Variants in CSMD1 observed in about 807,000 individuals in gnomAD.
The protein encoded by CSMD1 is CUB and sushi domain-containing protein 1.
CSMD1 carries 213 observed loss-of-function variants against 417.5 expected under a neutral mutation model. The ratio of observed to expected loss-of-function variants is 0.51; its 90% CI spans 0.46 to 0.57. The LOEUF (loss-of-function observed/expected upper bound fraction) is 0.57, where lower values mean the gene tolerates loss of function less well. Ranked by LOEUF, CSMD1 falls within the 20% of genes least tolerant of loss-of-function variation. The pLI, the probability that CSMD1 is intolerant of heterozygous loss-of-function variation, is 0.00. For missense variants in CSMD1, 6,923 were observed against 4,529.7 expected (o/e 1.53, Z -15.17); for synonymous variants, 2,862 against 1,736.8 (o/e 1.65, Z -16.11).
At chr8:3,747,000 C>A (rs912328666) in intron 6 of CSMD1, among the ~76,000 whole-genome samples, 4 of 152,156 alleles carry the variant, frequency 2.6e-5, no homozygotes, top group Admixed American at 6.5e-5. Context: ...AAAAGTTCCT[C>A]CTTTCATTAG....
intron 5 of CSMD1, among the ~76,000 whole-genome samples, chr8:3,827,173 T>A (rs1242241351): frequency 6.6e-6 from 1 of 152,200 alleles, no homozygotes; most frequent in African/African-American, 2.4e-5. Context: ...TGTACTTATG[T>A]TCTTGAGGTA....
At chr8:4,054,771 A>G (rs1225713154) in intron 3 of CSMD1, among the ~76,000 whole-genome samples, 1 of 152,074 alleles carries the variant, frequency 6.6e-6, no homozygotes, top group Non-Finnish European at 1.5e-5. Context: ...TGATGATGAC[A>G]TCTACCTTCA....
intron 21 of CSMD1, among the ~76,000 whole-genome samples, 153 bp from the exon 22 acceptor site, chr8:3,348,314 T>TC (rs1158815725): frequency 6.6e-6 from 1 of 152,040 alleles, no homozygotes; most frequent in Non-Finnish European, 1.5e-5. Flanking sequence ...GATTTTTTTT[T>TC]ATTGTTTGAC....
At chr8:4,354,878 G>GTT (rs1801314313) in intron 3 of CSMD1, among the ~76,000 whole-genome samples, 1 of 142,950 alleles carries the variant, frequency 7.0e-6, no homozygotes, top group Non-Finnish European at 1.5e-5. Flanking sequence ...GTGTGTGTGT[G>GTT]TGTGTGTGTG....
At chr8:4,844,652 AT>A (rs1388607745) in intron 1 of CSMD1, among the ~76,000 whole-genome samples, 3 of 152,184 alleles carry the variant, frequency 2.0e-5, no homozygotes, top group Non-Finnish European at 2.9e-5. Context: ...AAAAAATATA[AT>A]TTTTTAGGAT....
At chr8:4,318,183 A>C (rs536290969) in intron 3 of CSMD1, among the ~76,000 whole-genome samples, 13 of 152,102 alleles carry the variant, frequency 8.5e-5, no homozygotes, top group Non-Finnish European at 1.0e-4. Context: ...CTATCCTTCT[A>C]TGGGTTTACA....
chr8:3,468,578 A>AGTCTTCCTT lies in CSMD1; in HGVS notation c.1561+133_1561+134insAAGGAAGAC, dbSNP rs1424172209. 5.1e-6 allele frequency: 3 copies of AGTCTTCCTT among 591,250 alleles called. No homozygotes were observed. In the East Asian group the frequency reaches 8.8e-5, roughly 17 times the overall value. The allele number at this position is 591,250 out of a possible 1,614,324, so 36.6% of individuals were successfully genotyped here. On this transcript the variant is annotated intron_variant, in intron 12 of 69. Coordinates refer to ENST00000635120, the MANE Select transcript of CSMD1 (RefSeq NM_033225.6). Reference sequence around the variant, plus strand: ...AGCGAGTGTTAGTAGACTTTAAGGAAGTTCCCGTCATGATTCCTATTTATC... The same window carrying AGTCTTCCTT: ...AGCGAGTGTTAGTAGACTTTAAGGAAGTCTTCCTTGTTCCCGTCATGATTCCTATTTATC...
intron 2 of CSMD1, among the ~76,000 whole-genome samples, chr8:4,551,440 C>A (rs1425848384): frequency 6.6e-6 from 1 of 152,116 alleles, no homozygotes; most frequent in Non-Finnish European, 1.5e-5. Context: ...TCACTTAGAT[C>A]CTCTCATTCT....
At chr8:4,033,145 A>G (rs893667369) in intron 3 of CSMD1, among the ~76,000 whole-genome samples, 1 of 150,578 alleles carries the variant, frequency 6.6e-6, no homozygotes, top group African/African-American at 2.4e-5. Flanking sequence ...AAAAAAAAAA[A>G]AAAAAAAAAA....
intron 5 of CSMD1, among the ~76,000 whole-genome samples, chr8:3,914,130 AAT>A (rs2129140675): frequency 6.6e-6 from 1 of 152,264 alleles, no homozygotes; most frequent in East Asian, 1.9e-4. Context: ...ATTTTATATG[AAT>A]AGAGTATGAT....
chr8:3,359,485 G>T lies in CSMD1; in HGVS notation c.3116-145C>A, dbSNP rs1341930564. ...CCCCAAACACTTATAACTGTTACGT[G>T]CATTTTTTTTCTTGTACTATGAACT... On this transcript the variant is annotated intron_variant, in intron 20 of 69. Transcript: ENST00000635120. The T allele has an allele frequency of 7.1e-5, 43 of 605,900 alleles. 1 individual carries two copies. Among genetic ancestry groups the T allele is most frequent in the Middle Eastern group, 8.6e-4 (2 of 2,316 alleles). 37.5% of individuals were successfully genotyped at this position (605,900 alleles called of 1,614,324 possible). A position where few individuals can be genotyped will look rare whatever the true frequency, so the allele number is the denominator to read the frequency against.
At chr8:4,468,673 G>A (rs1585127791) in intron 2 of CSMD1, among the ~76,000 whole-genome samples, 1 of 152,058 alleles carries the variant, frequency 6.6e-6, no homozygotes, top group South Asian at 2.1e-4. Context: ...CTCCTCCCCT[G>A]GACTGTATGT....
chr8:4,140,784 G>C (rs2131015163), intron 3 of CSMD1, among the ~76,000 whole-genome samples: 1 of 150,882 alleles, frequency 6.6e-6, no homozygotes, highest in African/African-American at 2.5e-5. Flanking sequence ...TCTCCCCTAG[G>C]GTGGTTTTGA....
chr8:4,872,482 C>G (rs779474813), intron 1 of CSMD1, among the ~76,000 whole-genome samples: 72 of 152,032 alleles, frequency 4.7e-4, no homozygotes, highest in Non-Finnish European at 7.3e-4. Flanking sequence ...CTCCTTCCTG[C>G]CGCCTTCTGA....
rs76431173 is a variant in CSMD1, at chr8:4,637,644, A to ATTTTTTTTTTTTTTTTTTT, written c.86-105_86-87dup. ...AAAAAATTTCTAAACACTTTAGCCAATTTTTTTTTTTTTTTTTTTTTTTTT... is the reference window on the plus strand; with the variant it reads ...AAAAAATTTCTAAACACTTTAGCCAATTTTTTTTTTTTTTTTTTTTTTTTTTTTTTTTTTTTTTTTTTTT... On this transcript the variant is annotated intron_variant, in intron 1 of 69. Coordinates refer to ENST00000635120, the MANE Select transcript of CSMD1 (RefSeq NM_033225.6). 8 of 353,014 alleles carry ATTTTTTTTTTTTTTTTTTT rather than the reference A, an allele frequency of 2.3e-5. 1 individual carries two copies. The highest frequency in any genetic ancestry group is 3.2e-5 in the African/African-American group (1 of 31,266). 21.9% of individuals were successfully genotyped at this position (353,014 alleles called of 1,614,324 possible).
intron 1 of CSMD1, among the ~76,000 whole-genome samples, chr8:4,818,150 T>G (rs1170320897): frequency 6.6e-6 from 1 of 152,200 alleles, no homozygotes; most frequent in African/African-American, 2.4e-5. Flanking sequence ...GCATAATTTA[T>G]GTGACAAATG....
At chr8:3,480,644 C>G (rs1217703804) in intron 11 of CSMD1, among the ~76,000 whole-genome samples, 3 of 151,972 alleles carry the variant, frequency 2.0e-5, no homozygotes, top group Non-Finnish European at 4.4e-5. Flanking sequence ...ACATCTAATC[C>G]AAGTTTTAAA....
At chr8:3,578,786 C>T (rs1039526561) in intron 9 of CSMD1, among the ~76,000 whole-genome samples, 5 of 152,160 alleles carry the variant, frequency 3.3e-5, no homozygotes, top group African/African-American at 1.2e-4. Flanking sequence ...AAACTTCTTT[C>T]CTTCCCTTAG....
At chr8:4,438,082 T>C (rs1490809766) in intron 2 of CSMD1, among the ~76,000 whole-genome samples, 1 of 152,172 alleles carries the variant, frequency 6.6e-6, no homozygotes, top group African/African-American at 2.4e-5. Flanking sequence ...CTCAGCTTCT[T>C]TGGTTTCCAA....
Sources: gnomAD v4.1 joint callset for allele counts (sites outside exome capture counted in the v4.1 genomes callset) on GRCh38, gnomAD v4.1.1 for gene constraint, MANE v1.5 for transcripts, NCBI Gene and HGNC (gene_info 2026-07-23, HGNC 2026-07-21) for gene names.